DGKI: variants seen among roughly 807,000 people sequenced by gnomAD.
DGKI encodes the protein diacylglycerol kinase iota, also known as DAG kinase iota.
Under a neutral mutation model 147.5 loss-of-function variants are expected in DGKI, and 55 were observed. The ratio of observed to expected loss-of-function variants is 0.37; its 90% CI spans 0.30 to 0.47. The LOEUF is 0.47. DGKI is among the 20% of genes least tolerant of loss of function. The probability of loss-of-function intolerance (pLI) is 1.00; values close to 1 mark genes in which losing one functional copy is unlikely to be tolerated. For synonymous variants in DGKI, 469 were observed against 477.1 expected (o/e 0.98, Z 0.22); for missense variants, 1,007 against 1,323.8 (o/e 0.76, Z 3.71).
chr7:137,622,762 G>A (rs1448802947), intron 7 of DGKI, among the ~76,000 whole-genome samples: 2 of 152,086 alleles, frequency 1.3e-5, no homozygotes, highest in Non-Finnish European at 2.9e-5. Flanking sequence ...GAAAGAACAG[G>A]TACACAGGTA....
At position 137,577,301 on chromosome 7, in the gene DGKI, T is replaced by C; in HGVS notation, c.1699-17A>G. 1.3e-6 allele frequency: 2 copies of C among 1,564,578 alleles called. No homozygotes were observed. The highest frequency in any genetic ancestry group is 1.1e-5 in the South Asian group (1 of 86,998). Reference sequence around the variant, plus strand: ...AAAAGCTGCCTATACCACAGGGAAATAAAGAAGAAGAAATTCGTAATTACA... The same window carrying C: ...AAAAGCTGCCTATACCACAGGGAAACAAAGAAGAAGAAATTCGTAATTACA... On this transcript the variant is annotated splice_polypyrimidine_tract_variant and intron_variant, in intron 16 of 32. Coordinates refer to ENST00000614521, the MANE Select transcript of DGKI (RefSeq NM_001321708.2).
At chr7:137,764,097 C>A (rs1225138158) in intron 1 of DGKI, among the ~76,000 whole-genome samples, 1 of 152,106 alleles carries the variant, frequency 6.6e-6, no homozygotes, top group African/African-American at 2.4e-5. Context: ...CCAGAGCCCA[C>A]GAATATTTAC....
chr7:137,600,073 C>T (rs918424282), intron 10 of DGKI, among the ~76,000 whole-genome samples, 168 bp from the exon 11 acceptor site: 1 of 151,060 alleles, frequency 6.6e-6, no homozygotes, highest in Middle Eastern at 3.2e-3. Flanking sequence ...CACTTGAGCC[C>T]AGGAGTTTGA....
chr7:137,512,858 A>G (rs1311092407), intron 21 of DGKI, among the ~76,000 whole-genome samples: 1 of 152,198 alleles, frequency 6.6e-6, no homozygotes, highest in African/African-American at 2.4e-5. Context: ...TATATTAATA[A>G]TAAGATCATA....
rs1585065442 is a variant in DGKI at position 137,387,530 on chromosome 7, A to G, written c.*3690T>C. On this transcript the variant is annotated 3_prime_UTR_variant, in exon 33 of 33. Coordinates refer to ENST00000614521, the MANE Select transcript of DGKI (RefSeq NM_001321708.2). ...TGCAATATACATGAATATAGTATAC[A>G]TACTTGCATGTGTATATAAATAAAT... 6.6e-6 allele frequency: 1 copy of G among 152,230 alleles called. No homozygotes were observed. The highest frequency in any genetic ancestry group is 1.5e-5 in the Non-Finnish European group (1 of 68,040). 9.4% of individuals were successfully genotyped at this position (152,230 alleles called of 1,614,324 possible). A position where few individuals can be genotyped will look rare whatever the true frequency, so the allele number is the denominator to read the frequency against.
At chr7:137,745,671 T>C (rs74598872) in intron 1 of DGKI, among the ~76,000 whole-genome samples, 141 of 152,254 alleles carry the variant, frequency 9.3e-4, no homozygotes, top group African/African-American at 3.3e-3. Flanking sequence ...TACTTAATAA[T>C]GGTTCCAAAA....
At chr7:137,752,768 T>C (rs1475038362) in intron 1 of DGKI, among the ~76,000 whole-genome samples, 1 of 152,250 alleles carries the variant, frequency 6.6e-6, no homozygotes, top group Non-Finnish European at 1.5e-5. Flanking sequence ...ATCGCTCACT[T>C]GGGGAGCTTG....
At chr7:137,813,535 T>A (rs1464855352) in intron 1 of DGKI, among the ~76,000 whole-genome samples, 1 of 152,184 alleles carries the variant, frequency 6.6e-6, no homozygotes, top group Non-Finnish European at 1.5e-5. Flanking sequence ...TTCACAGCAT[T>A]TGATACTGAG....
intron 6 of DGKI, among the ~76,000 whole-genome samples, chr7:137,638,443 T>TATAC (rs1213601629): frequency 3.9e-5 from 5 of 127,588 alleles, no homozygotes; most frequent in South Asian, 2.5e-4. Context: ...TATATATATA[T>TATAC]ACACACACAC....
Position 137,846,050 on chromosome 7 carries a change from T to C in DGKI, c.401+412A>G, listed in dbSNP as rs1478643394. On this transcript the variant is annotated intron_variant, in intron 1 of 32. Coordinates refer to ENST00000614521, the MANE Select transcript of DGKI (RefSeq NM_001321708.2). The surrounding 1 kb of genome is among the most constrained non-coding windows in gnomAD (Gnocchi z 4.0). ...AAGGTGGGGGAAGGGTGGTTGAAGATGACACCTGCTTAGGGGCAACTTTGA... is the reference window on the plus strand; with the variant it reads ...AAGGTGGGGGAAGGGTGGTTGAAGACGACACCTGCTTAGGGGCAACTTTGA... Among the ~76,000 whole-genome samples, 3 of 152,180 alleles carry C rather than the reference T, an allele frequency of 2.0e-5. No individual in the cohort carries two copies. Among genetic ancestry groups the C allele is most frequent in the South Asian group, 2.1e-4 (1 of 4,824 alleles).
At chr7:137,438,884 C>T (rs1813384392) in intron 28 of DGKI, among the ~76,000 whole-genome samples, 1 of 152,152 alleles carries the variant, frequency 6.6e-6, no homozygotes, top group Admixed American at 6.5e-5. Context: ...ACTATGTACA[C>T]ACACACATAT....
intron 6 of DGKI, among the ~76,000 whole-genome samples, chr7:137,624,389 C>T (rs753033935): frequency 2.6e-5 from 4 of 152,062 alleles, no homozygotes; most frequent in Non-Finnish European, 5.9e-5. Context: ...GTAAGGTGAT[C>T]AAAAGAAAAC....
chr7:137,588,355 C>A (rs1819482025), intron 12 of DGKI, among the ~76,000 whole-genome samples: 1 of 151,626 alleles, frequency 6.6e-6, no homozygotes, highest in South Asian at 2.1e-4. Flanking sequence ...AACACTACTT[C>A]ATATAAAACC....
Position 137,384,099 on chromosome 7 carries a change from T to C in DGKI, c.*7121A>G, listed in dbSNP as rs1488325199. 2 of 152,108 alleles carry C rather than the reference T, an allele frequency of 1.3e-5. No individual in the cohort carries two copies. Among genetic ancestry groups the C allele is most frequent in the East Asian group, 1.9e-4 (1 of 5,192 alleles). The allele number at this position is 152,108 out of a possible 1,614,324, so 9.4% of individuals were successfully genotyped here. A position where few individuals can be genotyped will look rare whatever the true frequency, so the allele number is the denominator to read the frequency against. ...AATAGAGTCTTGGATGTCAGGGCCATTTTTAACATTTTTTGTTGCAGCATT... is the reference window on the plus strand; with the variant it reads ...AATAGAGTCTTGGATGTCAGGGCCACTTTTAACATTTTTTGTTGCAGCATT... On this transcript the variant is annotated 3_prime_UTR_variant, in exon 33 of 33. Transcript: ENST00000614521.
At chr7:137,793,542 C>A (rs191407027) in intron 1 of DGKI, among the ~76,000 whole-genome samples, 2 of 152,162 alleles carry the variant, frequency 1.3e-5, no homozygotes, top group Non-Finnish European at 2.9e-5. Context: ...CTCAGGTGAT[C>A]CACCCGCCTT....
intron 1 of DGKI, among the ~76,000 whole-genome samples, chr7:137,743,573 T>G (rs1439664709): frequency 6.6e-6 from 1 of 152,158 alleles, no homozygotes. Context: ...ATCAAAAAAT[T>G]ATTTGAAACA....
intron 28 of DGKI, among the ~76,000 whole-genome samples, chr7:137,422,183 G>T (rs1480498153): frequency 6.6e-6 from 1 of 152,154 alleles, no homozygotes; most frequent in Non-Finnish European, 1.5e-5. Context: ...TTTGCTTTGA[G>T]CACTGGGTTA....
chr7:137,625,844 C>A (rs1001033064), intron 6 of DGKI, among the ~76,000 whole-genome samples: 2 of 152,128 alleles, frequency 1.3e-5, no homozygotes, highest in African/African-American at 4.8e-5. Context: ...CAGAGACCTG[C>A]ATACCTAACC....
intron 1 of DGKI, among the ~76,000 whole-genome samples, chr7:137,739,844 C>T (rs1475164585): frequency 6.6e-6 from 1 of 152,144 alleles, no homozygotes; most frequent in Non-Finnish European, 1.5e-5. Context: ...TTTATTTTTG[C>T]CACTTGCAGA....
Sources: gnomAD v4.1 joint callset for allele counts (sites outside exome capture counted in the v4.1 genomes callset) on GRCh38, gnomAD v4.1.1 for gene constraint, Gnocchi (gnomAD v3.1) non-coding constraint, MANE v1.5 for transcripts, NCBI Gene and HGNC (gene_info 2026-07-23, HGNC 2026-07-21) for gene names.